The following SNRNP70 variants were observed in gnomAD, a reference collection of about 807,000 sequenced individuals.
SNRNP70 encodes small nuclear ribonucleoprotein U1 subunit 70, also known as U1 small nuclear ribonucleoprotein 70 kDa.
SNRNP70 carries 8 observed loss-of-function variants against 50.5 expected under a neutral mutation model. That is an observed-to-expected ratio of 0.16 (90% confidence interval 0.09 to 0.29). The LOEUF is 0.29. Among genes scored for constraint, SNRNP70 ranks in the 10% least tolerant of loss-of-function variants. The pLI, the probability that SNRNP70 is intolerant of heterozygous loss-of-function variation, is 1.00. For synonymous variants in SNRNP70, 320 were observed against 252.9 expected (o/e 1.27, Z -2.52); for missense variants, 529 against 663.5 (o/e 0.80, Z 2.23).
At chr19:49,101,737 C>T (rs990409738) in intron 7 of SNRNP70, 8 of 476,962 alleles carry the variant, frequency 1.7e-5, no homozygotes, top group Non-Finnish European at 2.7e-5. Context: ...AAAGAGGGAA[C>T]TGGGTGGGGG....
rs761710800 is a variant in SNRNP70, at chr19:49,108,272, G to GGAGCGGGGCAGT, written c.1155_1166dup (p.Ser385_Gly388dup). 8 of 1,557,482 alleles carry GGAGCGGGGCAGT rather than the reference G, an allele frequency of 5.1e-6. No homozygotes were observed. Among genetic ancestry groups the GGAGCGGGGCAGT allele is most frequent in the South Asian group, 3.5e-5 (3 of 84,996 alleles). On this transcript the variant is annotated inframe_insertion, in exon 10 of 10. Coordinates refer to ENST00000598441, the MANE Select transcript of SNRNP70 (RefSeq NM_003089.6). ...ACCGTGACCGCGAGCACAAACGGGG[G>GGAGCGGGGCAGT]GAGCGGGGCAGTGAGCGGGGCAGGG...
In SNRNP70 at chr19:49,104,875, T is replaced by C. The variant is rs991570838; in HGVS notation, c.577+140T>C. On this transcript the variant is annotated intron_variant, in intron 8 of 9. Transcript: ENST00000598441. This position sits in a 1 kb window ranked among gnomAD's most constrained non-coding sequence, Gnocchi z 5.4. ...CGTCCTCATCTCCGGCTTCTCTCTCTTGTGGCCATCACATTTCTGACAGCT... is the reference window on the plus strand; with the variant it reads ...CGTCCTCATCTCCGGCTTCTCTCTCCTGTGGCCATCACATTTCTGACAGCT... The C allele has an allele frequency of 5.1e-6, 3 of 587,730 alleles. No individual in the cohort carries two copies. Among genetic ancestry groups the C allele is most frequent in the East Asian group, 3.0e-5 (1 of 33,088 alleles). 36.4% of individuals were successfully genotyped at this position (587,730 alleles called of 1,614,324 possible). A position where few individuals can be genotyped will look rare whatever the true frequency, so the allele number is the denominator to read the frequency against.
Position 49,104,641 on chromosome 19 carries a change from C to T in SNRNP70, c.483C>T (p.Tyr161=), listed in dbSNP as rs928700921. The part of the protein sequence containing the change: ...YEHERDMHSA[Y]KHADGKKIDG... ...TCCCCACATCTGTTACAGCCGCTTA[C>T]AAACACGCAGATGGCAAGAAGATTG... Residue 161 remains tyrosine, a synonymous_variant, in exon 8 of 10, where the codon TAC becomes TAT. Transcript: ENST00000598441. The surrounding 1 kb of genome is among the most constrained non-coding windows in gnomAD (Gnocchi z 5.4). 6.4e-6 allele frequency: 10 copies of T among 1,555,306 alleles called. No homozygotes were observed. The highest frequency in any genetic ancestry group is 7.8e-6 in the Non-Finnish European group (9 of 1,148,920).
intron 2 of SNRNP70, 89 bp downstream of exon 2, chr19:49,086,650 C>T: frequency 7.9e-7 from 1 of 1,263,570 alleles, no homozygotes; most frequent in Non-Finnish European, 1.1e-6. Flanking sequence ...ATTTTGCCAG[C>T]TGCGTGATTT....
At position 49,089,316 on chromosome 19, in the gene SNRNP70, C is replaced by T. The variant is rs140779191; in HGVS notation, c.148-975C>T. Among the ~76,000 whole-genome samples the T allele has an allele frequency of 1.9e-4, 29 of 152,116 alleles. No individual in the cohort carries two copies. The East Asian group carries it at 2.5e-3, about 13-fold the overall frequency. On this transcript the variant is annotated intron_variant, in intron 2 of 9. Transcript: ENST00000598441. Reference sequence around the variant, plus strand: ...ACTCAGGAGGCTTAGGCAGGAGAACCGCTTGAACGATTCTAGTCAGTTGCT... The same window carrying T: ...ACTCAGGAGGCTTAGGCAGGAGAACTGCTTGAACGATTCTAGTCAGTTGCT...
intron 4 of SNRNP70, among the ~76,000 whole-genome samples, chr19:49,093,974 G>C (rs1001919469): frequency 6.6e-6 from 1 of 152,146 alleles, no homozygotes; most frequent in Non-Finnish European, 1.5e-5. Context: ...AGTGAGCAGA[G>C]ATAGCGCCAT....
At chr19:49,093,678 C>CT (rs2040476718) in intron 4 of SNRNP70, among the ~76,000 whole-genome samples, 1 of 64,186 alleles carries the variant, frequency 1.6e-5, no homozygotes, top group East Asian at 5.0e-4. Context: ...GATTCCATCT[C>CT]AAAAAAAAAA....
At chr19:49,086,655 T>C in intron 2 of SNRNP70, 94 bp downstream of exon 2, 1 of 1,190,358 alleles carries the variant, frequency 8.4e-7, no homozygotes, top group Non-Finnish European at 1.2e-6. Context: ...GCCAGCTGCG[T>C]GATTTAAGCG....
intron 4 of SNRNP70, among the ~76,000 whole-genome samples, chr19:49,093,419 G>A (rs564313570): frequency 2.0e-4 from 31 of 152,096 alleles, no homozygotes; most frequent in Non-Finnish European, 3.7e-4. Context: ...CCACCCGGGC[G>A]TGGTGGCTCA....
intron 2 of SNRNP70, among the ~76,000 whole-genome samples, chr19:49,088,234 G>C (rs550026713): frequency 7.8e-6 from 1 of 128,344 alleles, no homozygotes; most frequent in Admixed American, 9.3e-5. Flanking sequence ...TTGGAGTCTC[G>C]CTCTGTTGCC....
chr19:49,086,685 T>C (rs762722300), intron 2 of SNRNP70, 124 bp downstream of exon 2: 1 of 880,852 alleles, frequency 1.1e-6, no homozygotes, highest in Non-Finnish European at 1.8e-6. Context: ...ACCTTTGTGA[T>C]CCTCAGTTTC....
chr19:49,095,316 A>G (rs931423762), intron 4 of SNRNP70, among the ~76,000 whole-genome samples: 1 of 152,180 alleles, frequency 6.6e-6, no homozygotes, highest in Non-Finnish European at 1.5e-5. Context: ...GTCATGCTCC[A>G]CAGTAACTGT....
intron 4 of SNRNP70, among the ~76,000 whole-genome samples, chr19:49,092,413 C>G (rs1368783398): frequency 1.4e-5 from 2 of 146,150 alleles, no homozygotes; most frequent in African/African-American, 5.1e-5. Context: ...GGTCACCCCC[C>G]TCCTTTTTTT....
At chr19:49,099,707 C>T (rs944337091) in intron 6 of SNRNP70, among the ~76,000 whole-genome samples, 13 of 151,434 alleles carry the variant, frequency 8.6e-5, no homozygotes, top group Non-Finnish European at 1.3e-4. Context: ...CCACTGTACT[C>T]CAGCCTGGGC....
chr19:49,100,147 C>T (rs990410507), intron 6 of SNRNP70, among the ~76,000 whole-genome samples: 3 of 152,198 alleles, frequency 2.0e-5, no homozygotes, highest in Non-Finnish European at 4.4e-5. Context: ...CCTTTAGGGA[C>T]CAGCTCAAAT....
chr19:49,085,518 A>G lies in SNRNP70; in HGVS notation c.-129A>G. 2.2e-6 allele frequency: 1 copy of G among 455,510 alleles called. No individual in the cohort carries two copies. 28.2% of individuals were successfully genotyped at this position (455,510 alleles called of 1,614,324 possible). On this transcript the variant is annotated 5_prime_UTR_variant, in exon 1 of 10. Transcript: ENST00000598441. ...GTGCGCTCGCTTAGCGGGCGACGGAATCAGACGGACGTGGACGCCCCCGGA... is the reference window on the plus strand; with the variant it reads ...GTGCGCTCGCTTAGCGGGCGACGGAGTCAGACGGACGTGGACGCCCCCGGA...
chr19:49,085,844 C>T (rs1377379074), intron 1 of SNRNP70, among the ~76,000 whole-genome samples: 1 of 152,230 alleles, frequency 6.6e-6, no homozygotes, highest in Non-Finnish European at 1.5e-5. Context: ...CCCACAGGCC[C>T]TTGCGGTGTG....
In SNRNP70 at chr19:49,108,242, C is replaced by T; in HGVS notation, c.1113C>T (p.Asp371=). 1.3e-6 allele frequency: 2 copies of T among 1,539,052 alleles called. No individual in the cohort carries two copies. Among genetic ancestry groups the T allele is most frequent in the Non-Finnish European group, 1.8e-6 (2 of 1,142,012 alleles). The change falls in exon 10 of 10, where the codon GAC becomes GAT. Residue 371 remains aspartate, a synonymous_variant. Transcript: ENST00000598441. ...AGCGGCGCCGGGACCGGGATCGTGA[C>T]CGTGACCGTGACCGCGAGCACAAAC... ...ERERRRDRDR[D]RDRDREHKRG...
intron 2 of SNRNP70, among the ~76,000 whole-genome samples, chr19:49,087,300 G>C (rs1246459821): frequency 1.3e-5 from 2 of 151,760 alleles, no homozygotes; most frequent in East Asian, 3.8e-4. Context: ...CTCTGACTTT[G>C]GGCAAATGTT....
Sources: gnomAD v4.1 joint callset for allele counts (sites outside exome capture counted in the v4.1 genomes callset) on GRCh38, gnomAD v4.1.1 for gene constraint, Gnocchi (gnomAD v3.1) non-coding constraint, MANE v1.5 for transcripts, NCBI Gene and HGNC (gene_info 2026-07-23, HGNC 2026-07-21) for gene names.